Variants in LMBR1 observed in about 807,000 individuals in gnomAD.
LMBR1 encodes the protein limb region 1 protein homolog.
LMBR1 carries 52 observed loss-of-function variants against 73.9 expected under a neutral mutation model. The ratio of observed to expected loss-of-function variants is 0.70; its 90% confidence interval spans 0.56 to 0.89. LMBR1 has a LOEUF of 0.89. LMBR1 is among the 40% of genes least tolerant of loss of function. The pLI, the probability that LMBR1 is intolerant of heterozygous loss-of-function variation, is 0.00. For synonymous variants in LMBR1, 215 were observed against 209.4 expected, an observed-to-expected ratio of 1.03 and a Z score of -0.23; for missense variants, 539 against 579.8, an observed-to-expected ratio of 0.93 and a Z score of 0.72.
downstream of LMBR1, among the ~76,000 whole-genome samples, chr7:156,677,281 G>A (rs1045183753): frequency 2.0e-5 from 3 of 152,018 alleles, no homozygotes; most frequent in East Asian, 1.9e-4. Flanking sequence ...CAGTCTCATC[G>A]GTTAGGTTAC....
At chr7:156,873,567 GGGT>G (rs1799672340) in intron 1 of LMBR1, among the ~76,000 whole-genome samples, 1 of 152,172 alleles carries the variant, frequency 6.6e-6, no homozygotes, top group South Asian at 2.1e-4. Flanking sequence ...TGTTTTGTCA[GGGT>G]GCTGATTGGT....
chr7:156,711,758 C>T (rs1812125537), intron 15 of LMBR1, among the ~76,000 whole-genome samples: 2 of 152,046 alleles, frequency 1.3e-5, no homozygotes, highest in South Asian at 2.1e-4. Context: ...AAAAAGGATA[C>T]CCTTTTCAAT....
At chr7:156,725,064 T>C (rs148801271) in intron 14 of LMBR1, among the ~76,000 whole-genome samples, 12 of 152,314 alleles carry the variant, frequency 7.9e-5, no homozygotes, top group African/African-American at 2.9e-4. Context: ...AAATACTTTG[T>C]CCCTACTACT....
intron 5 of LMBR1, among the ~76,000 whole-genome samples, chr7:156,786,838 T>C (rs1297449858): frequency 6.6e-6 from 1 of 152,176 alleles, no homozygotes; most frequent in Non-Finnish European, 1.5e-5. Flanking sequence ...TTATAATAAA[T>C]CAACTTTCTA....
chr7:156,827,952 A>G (rs1360246790), intron 3 of LMBR1, among the ~76,000 whole-genome samples: 1 of 152,224 alleles, frequency 6.6e-6, no homozygotes, highest in Non-Finnish European at 1.5e-5. Context: ...TTTGCTCAAT[A>G]GACACCGCAT....
At chr7:156,883,870 G>A (rs937045832) in intron 1 of LMBR1, among the ~76,000 whole-genome samples, 14 of 151,888 alleles carry the variant, frequency 9.2e-5, no homozygotes, top group African/African-American at 3.1e-4. Context: ...GATAATTCAG[G>A]GTAATTCTCC....
intron 15 of LMBR1, 57 bp from the exon 16 acceptor site, chr7:156,688,248 TG>T: frequency 7.9e-7 from 1 of 1,266,684 alleles, no homozygotes; most frequent in Non-Finnish European, 1.1e-6. Flanking sequence ...ATATTTAGTG[TG>T]CTACAAGTAA....
intron 15 of LMBR1, among the ~76,000 whole-genome samples, chr7:156,704,088 T>C (rs1033161013): frequency 2.0e-5 from 3 of 152,070 alleles, no homozygotes; most frequent in Non-Finnish European, 4.4e-5. Flanking sequence ...CACTTACCCA[T>C]TCAGCATACA....
chr7:156,764,202 G>T (rs1381221750), intron 5 of LMBR1, among the ~76,000 whole-genome samples: 2 of 152,170 alleles, frequency 1.3e-5, no homozygotes, highest in African/African-American at 4.8e-5. Context: ...AGCTGCTGGA[G>T]AGCGCCGGCT....
At chr7:156,709,902 T>TA (rs1811727422) in intron 15 of LMBR1, among the ~76,000 whole-genome samples, 1 of 123,296 alleles carries the variant, frequency 8.1e-6, no homozygotes, top group Non-Finnish European at 1.8e-5. Flanking sequence ...GTTGATTTTT[T>TA]TTTTTTTTTT....
intron 15 of LMBR1, among the ~76,000 whole-genome samples, chr7:156,689,279 C>T (rs1806645487): frequency 6.6e-6 from 1 of 151,986 alleles, no homozygotes; most frequent in Non-Finnish European, 1.5e-5. Flanking sequence ...ATTTGGGGGC[C>T]ATATAAAATT....
At position 156,750,695 on chromosome 7, in the gene LMBR1, T is replaced by A. The variant is rs116003825; in HGVS notation, c.757+5698A>T. Among the ~76,000 whole-genome samples, 665 of 152,328 alleles carry A rather than the reference T, an allele frequency of 4.4e-3. 3 individuals carry two copies. Among genetic ancestry groups the A allele is most frequent in the African/African-American group, 0.015 (638 of 41,564 alleles). ...TCTATTAATTTACTTATGGGACAAA[T>A]GTTTACCACATATCCACCATGTGTC... On this transcript the variant is annotated intron_variant, in intron 9 of 16. Coordinates refer to ENST00000353442, the MANE Select transcript of LMBR1 (RefSeq NM_022458.4).
chr7:156,793,160 T>C (rs1829523093), intron 5 of LMBR1, among the ~76,000 whole-genome samples: 1 of 152,212 alleles, frequency 6.6e-6, no homozygotes, highest in Non-Finnish European at 1.5e-5. Flanking sequence ...TTAATTTCAA[T>C]AAAGCAACGA....
chr7:156,775,320 G>A lies in LMBR1; in HGVS notation c.424-11525C>T, dbSNP rs546437767. Among the ~76,000 whole-genome samples, 111 of 151,968 alleles carry A rather than the reference G, an allele frequency of 7.3e-4. 1 individual carries two copies. The highest frequency in any genetic ancestry group is 6.8e-3 in the Middle Eastern group (2 of 294). ...GAGGAGGAGGTTGCAGTGAGCCGAG[G>A]TCAAGCCACTGCAATCCAGCCTGGG... On this transcript the variant is annotated intron_variant, in intron 5 of 16. Coordinates refer to ENST00000353442, the MANE Select transcript of LMBR1 (RefSeq NM_022458.4).
At chr7:156,834,013 T>C (rs572512603) in intron 2 of LMBR1, among the ~76,000 whole-genome samples, 1 of 152,294 alleles carries the variant, frequency 6.6e-6, no homozygotes, top group South Asian at 2.1e-4. Context: ...AACAAAATCC[T>C]GATTAATAAA....
chr7:156,815,995 T>C (rs1306868385), intron 4 of LMBR1, among the ~76,000 whole-genome samples: 2 of 151,776 alleles, frequency 1.3e-5, no homozygotes, highest in African/African-American at 4.8e-5. Flanking sequence ...TTCCAGAATT[T>C]ATCTTTCTAA....
At chr7:156,724,963 A>G (rs1815410766) in intron 14 of LMBR1, among the ~76,000 whole-genome samples, 1 of 152,194 alleles carries the variant, frequency 6.6e-6, no homozygotes, top group Non-Finnish European at 1.5e-5. Flanking sequence ...TCTGAACCCA[A>G]TGACATGTTG....
chr7:156,842,858 C>G lies in LMBR1; in HGVS notation c.67-5973G>C, dbSNP rs541936265. On this transcript the variant is annotated intron_variant, in intron 1 of 16. Transcript: ENST00000353442. ...TGCTGAGGCAGATGCAGGTAGAGTC[C>G]CCAAGAAATACTAGAAGCTTGATGA... 3.9e-5 allele frequency among the ~76,000 whole-genome samples: 6 copies of G among 152,174 alleles called. No individual in the cohort carries two copies. In the South Asian group the frequency reaches 1.2e-3, roughly 32 times the overall value.
chr7:156,873,155 T>C (rs562930771), intron 1 of LMBR1, among the ~76,000 whole-genome samples: 1 of 152,192 alleles, frequency 6.6e-6, no homozygotes, highest in South Asian at 2.1e-4. Flanking sequence ...AGGTGGCGCG[T>C]CTGGAGTCTG....
Sources: gnomAD v4.1 joint callset for allele counts (sites outside exome capture counted in the v4.1 genomes callset) on GRCh38, gnomAD v4.1.1 for gene constraint, MANE v1.5 for transcripts, NCBI Gene and HGNC (gene_info 2026-07-23, HGNC 2026-07-21) for gene names.